IFT140: variants seen among roughly 807,000 people sequenced by gnomAD.
The protein encoded by IFT140 is intraflagellar transport protein 140 homolog.
IFT140 carries 133 observed loss-of-function variants against 164.6 expected under a neutral mutation model. The observed-to-expected ratio is 0.81, with a 90% CI of 0.70 to 0.93. IFT140 has a LOEUF of 0.93. IFT140 is among the 40% of genes least tolerant of loss of function. IFT140 has a pLI of 0.00. For synonymous variants in IFT140, 860 were observed against 817.3 expected, an observed-to-expected ratio of 1.05 and a Z score of -0.89; for missense variants, 2,045 against 1,972.3, an observed-to-expected ratio of 1.04 and a Z score of -0.70.
At chr16:1,600,908 G>GAGGAAAAAAGGA (rs1555495839) in intron 4 of IFT140, among the ~76,000 whole-genome samples, 1 of 151,770 alleles carries the variant, frequency 6.6e-6, no homozygotes, top group Non-Finnish European at 1.5e-5. Flanking sequence ...AAAAAAAAGG[G>GAGGAAAAAAGGA]AGGAAAAAAG....
intron 19 of IFT140, among the ~76,000 whole-genome samples, chr16:1,534,765 ACTC>A (rs1403268037): frequency 1.3e-5 from 2 of 150,096 alleles, no homozygotes; most frequent in East Asian, 1.9e-4. Flanking sequence ...GGCCCCACAC[ACTC>A]CTCCTGCTCA....
At chr16:1,608,639 A>G (rs1186612221) in intron 2 of IFT140, among the ~76,000 whole-genome samples, 1 of 151,468 alleles carries the variant, frequency 6.6e-6, no homozygotes, top group Admixed American at 6.6e-5. Flanking sequence ...CTCAAAAAAA[A>G]AAAAAAAAAA....
chr16:1,586,047 A>G (rs1194277411), intron 10 of IFT140, 83 bp downstream of exon 10: 1 of 1,540,820 alleles, frequency 6.5e-7, no homozygotes. Flanking sequence ...CTGGGATTAC[A>G]GGCGTGAGCC....
At chr16:1,568,811 A>G (rs1289456629) in intron 14 of IFT140, among the ~76,000 whole-genome samples, 2 of 152,090 alleles carry the variant, frequency 1.3e-5, no homozygotes, top group East Asian at 1.9e-4. Flanking sequence ...CTATACCTGG[A>G]GTTTGTGCCT....
intron 19 of IFT140, among the ~76,000 whole-genome samples, chr16:1,540,041 G>A (rs1196274894): frequency 6.6e-6 from 1 of 152,216 alleles, no homozygotes; most frequent in East Asian, 1.9e-4. Flanking sequence ...GAGGGAAGCA[G>A]CTTGAAATAC....
chr16:1,568,416 G>A (rs554463089), intron 14 of IFT140, 82 bp from the exon 15 acceptor site: 78 of 1,119,638 alleles, frequency 7.0e-5, no homozygotes, highest in Admixed American at 1.0e-4. Context: ...TCTGTTCACC[G>A]GATGAGTGCT....
Position 1,598,535 on chromosome 16 carries a change from C to T in IFT140, c.369+3835G>A, listed in dbSNP as rs574633306. ...AGCAAGAGAAACATAAATGAAAATT[C>T]TAAGAAACACTTAGACCCACCAGGG... On this transcript the variant is annotated intron_variant, in intron 4 of 30. Coordinates refer to ENST00000426508, the MANE Select transcript of IFT140 (RefSeq NM_014714.4). 9.2e-5 allele frequency among the ~76,000 whole-genome samples: 14 copies of T among 152,348 alleles called. No homozygotes were observed. The South Asian group carries it at 2.9e-3, about 32-fold the overall frequency.
Position 1,526,599 on chromosome 16 carries a change from C to A in IFT140, c.2577+20G>T. On this transcript the variant is annotated intron_variant, in intron 20 of 30. Coordinates refer to ENST00000426508, the MANE Select transcript of IFT140 (RefSeq NM_014714.4). ...CAGGCGTGGTGCCTTCCCACCCACC[C>A]CATGGCGGGCGCCCCTCACCAGCAT... The A allele has an allele frequency of 6.6e-7, 1 of 1,511,462 alleles. No homozygotes were observed. Among genetic ancestry groups the A allele is most frequent in the South Asian group, 1.3e-5 (1 of 78,782 alleles). 93.6% of individuals were successfully genotyped at this position (1,511,462 alleles called of 1,614,324 possible). A position where few individuals can be genotyped will look rare whatever the true frequency, so the allele number is the denominator to read the frequency against.
Position 1,553,819 on chromosome 16 carries a change from C to G in IFT140, c.2399+4116G>C. 1 of 1,204,666 alleles carries G rather than the reference C, an allele frequency of 8.3e-7. No homozygotes were observed. The highest frequency in any genetic ancestry group is 1.5e-5 in the South Asian group (1 of 66,508). The allele number at this position is 1,204,666 out of a possible 1,614,324, so 74.6% of individuals were successfully genotyped here. On this transcript the variant is annotated intron_variant, in intron 19 of 30. Transcript: ENST00000426508. The surrounding 1 kb of genome is among the most constrained non-coding windows in gnomAD (Gnocchi z 4.4). ...GCCTATGTTTCCAGCTGGATTAGGA[C>G]GCCCGGCTCCATCGCTGCGGCCACA...
In IFT140 at chr16:1,557,966, C is replaced by T. The variant is rs751323480; in HGVS notation, c.2368G>A (p.Glu790Lys). 23 of 1,613,820 alleles carry T rather than the reference C, an allele frequency of 1.4e-5. No homozygotes were observed. Among genetic ancestry groups the T allele is most frequent in the Middle Eastern group, 1.7e-4 (1 of 5,754 alleles). ...SFFVTIGDMD[E>K]AFKSIKLIKS... Reference sequence around the variant, plus strand: ...ATGAGCTTGATGGATTTGAAGGCTTCGTCCATGTCTCCTATGGTGACAAAG... The same window carrying T: ...ATGAGCTTGATGGATTTGAAGGCTTTGTCCATGTCTCCTATGGTGACAAAG... Residue 790 changes from glutamate to lysine, a missense_variant, in exon 19 of 31, where the codon GAA becomes AAA. Coordinates refer to ENST00000426508, the MANE Select transcript of IFT140 (RefSeq NM_014714.4).
At chr16:1,511,221 G>T (rs1005897381) in intron 30 of IFT140, 71 bp from the exon 31 acceptor site, 1 of 1,438,632 alleles carries the variant, frequency 7.0e-7, no homozygotes, top group African/African-American at 1.4e-5. Flanking sequence ...TGCAGGCCAG[G>T]CACGTGCTGC....
intron 14 of IFT140, among the ~76,000 whole-genome samples, chr16:1,570,324 T>C (rs2033951303): frequency 6.6e-6 from 1 of 152,192 alleles, no homozygotes; most frequent in Non-Finnish European, 1.5e-5. Context: ...CGATTCTGTG[T>C]ATGGAGTCAT....
intron 14 of IFT140, among the ~76,000 whole-genome samples, chr16:1,571,131 T>C (rs1259436266): frequency 5.9e-5 from 9 of 152,160 alleles, no homozygotes; most frequent in Non-Finnish European, 1.5e-5. Flanking sequence ...TTCCAACAAA[T>C]GTACAATGTC....
At chr16:1,587,344 T>C in intron 8 of IFT140, 40 bp from the exon 9 acceptor site, 1 of 1,307,996 alleles carries the variant, frequency 7.6e-7, no homozygotes, top group Non-Finnish European at 1.1e-6. Context: ...GGGCCTGTGT[T>C]AGTGGCGTTT....
chr16:1,534,655 G>A, intron 19 of IFT140: 1 of 1,537,918 alleles, frequency 6.5e-7, no homozygotes, highest in Non-Finnish European at 8.9e-7. Flanking sequence ...GGGAGGCCTG[G>A]CCCCTGCTCT....
At chr16:1,598,970 A>G (rs2035611141) in intron 4 of IFT140, among the ~76,000 whole-genome samples, 1 of 128,736 alleles carries the variant, frequency 7.8e-6, no homozygotes, top group Non-Finnish European at 1.6e-5. Context: ...GGAAGTGAGG[A>G]GCGCCTCTTC....
intron 19 of IFT140, chr16:1,540,724 A>G: frequency 1.7e-6 from 1 of 593,614 alleles, no homozygotes; most frequent in Non-Finnish European, 2.1e-6. Flanking sequence ...TTCCTGCATC[A>G]GTTACCTGAA....
chr16:1,540,177 T>A (rs948547716), intron 19 of IFT140, among the ~76,000 whole-genome samples: 1 of 152,192 alleles, frequency 6.6e-6, no homozygotes, highest in Non-Finnish European at 1.5e-5. Flanking sequence ...GGGGCAGATG[T>A]GAGCGCTGGA....
chr16:1,546,410 C>T (rs181441201), intron 19 of IFT140, among the ~76,000 whole-genome samples: 1 of 152,202 alleles, frequency 6.6e-6, no homozygotes, highest in Non-Finnish European at 1.5e-5. Flanking sequence ...GGCTCTGCCC[C>T]TGGTCAGCTG....
Sources: allele counts gnomAD v4.1 joint callset (sites outside exome capture counted in the v4.1 genomes callset), GRCh38; gene constraint gnomAD v4.1.1; non-coding constraint Gnocchi (gnomAD v3.1); transcripts MANE v1.5; gene names NCBI Gene and HGNC (gene_info 2026-07-23, HGNC 2026-07-21).